Variants in ARSG observed in about 807,000 individuals in gnomAD.
The protein encoded by ARSG is arylsulfatase G.
In ARSG, 37 loss-of-function variants were observed where a neutral mutation model predicts 50.5. The observed-to-expected ratio is 0.73, with a 90% CI of 0.56 to 0.96. The LOEUF is 0.96. Among genes scored for constraint, ARSG ranks in the 50% least tolerant of loss-of-function variants. The pLI, the probability that ARSG is intolerant of heterozygous loss-of-function variation, is 0.00. For missense variants in ARSG, 629 were observed against 675.3 expected, an observed-to-expected ratio of 0.93 and a Z score of 0.76; for synonymous variants, 225 against 254.6, an observed-to-expected ratio of 0.88 and a Z score of 1.11.
chr17:68,415,044 CT>C (rs1416445739), intron 11 of ARSG, among the ~76,000 whole-genome samples: 12 of 152,032 alleles, frequency 7.9e-5, no homozygotes, highest in Admixed American at 7.9e-4. Context: ...CTGCTCTGAT[CT>C]TGGTTATTTC....
At chr17:68,320,785 C>T (rs771557435) in intron 2 of ARSG, among the ~76,000 whole-genome samples, 3 of 152,070 alleles carry the variant, frequency 2.0e-5, no homozygotes, top group Non-Finnish European at 4.4e-5. Flanking sequence ...GCGGGGGTCA[C>T]GTTGCAGTGA....
At chr17:68,316,813 C>G (rs2077086248) in intron 2 of ARSG, among the ~76,000 whole-genome samples, 1 of 152,112 alleles carries the variant, frequency 6.6e-6, no homozygotes, top group African/African-American at 2.4e-5. Context: ...CGTCACAATT[C>G]CCTCCTCTGG....
At chr17:68,395,297 C>T (rs898411225) in intron 10 of ARSG, 104 bp downstream of exon 10, 58 of 1,529,002 alleles carry the variant, frequency 3.8e-5, no homozygotes, top group Non-Finnish European at 4.9e-5. Flanking sequence ...TGGTCAAGAA[C>T]AGGCTGCAGG....
rs969569811 is a variant in ARSG, at chr17:68,329,428, C to T, written c.219-14176C>T. ...ACTGAGGCTGGCAGTGGAGGGCTGT[C>T]TCCACATTGTGCTGTAAGGGGACTG... is the stretch of plus-strand genomic sequence containing the variant. On this transcript the variant is annotated intron_variant, in intron 2 of 11. Coordinates refer to ENST00000621439, the MANE Select transcript of ARSG (RefSeq NM_001267727.2). Among the ~76,000 whole-genome samples, 3 of 152,304 alleles carry T rather than the reference C, an allele frequency of 2.0e-5. No homozygotes were observed. The South Asian group carries it at 6.2e-4, about 32-fold the overall frequency.
At chr17:68,295,622 C>T (rs1288132041) in intron 1 of ARSG, among the ~76,000 whole-genome samples, 4 of 150,544 alleles carry the variant, frequency 2.7e-5, no homozygotes, top group African/African-American at 7.4e-5. Flanking sequence ...GAAGACCAAA[C>T]GTTTGAGACC....
At chr17:68,433,230 C>T in the ARSG span, among the ~76,000 whole-genome samples, 6 of 152,240 alleles carry the variant, frequency 3.9e-5, no homozygotes, top group African/African-American at 1.4e-4. Flanking sequence ...TTCCCGGGAT[C>T]TCTGGGCTCC....
chr17:68,268,176 T>C (rs1173545289), intron 1 of ARSG: 3 of 152,400 alleles, frequency 2.0e-5, no homozygotes, highest in Admixed American at 6.5e-5. Context: ...ATTTAAAGGA[T>C]TGCAGAAAGG....
intron 4 of ARSG, among the ~76,000 whole-genome samples, chr17:68,350,786 AAAAAT>A (rs139213419): frequency 0.48 from 71,885 of 150,148 alleles, 17,457 homozygotes; most frequent in Admixed American, 0.56. Context: ...CTCCGTCTCA[AAAAAT>A]AAAATAAAAT....
At chr17:68,328,804 G>T (rs1219959211) in intron 2 of ARSG, among the ~76,000 whole-genome samples, 2 of 152,194 alleles carry the variant, frequency 1.3e-5, no homozygotes, top group Non-Finnish European at 2.9e-5. Flanking sequence ...ACCCAGCTGA[G>T]GAAGCCAGTG....
chr17:68,305,229 A>G (rs1303956733), intron 1 of ARSG, among the ~76,000 whole-genome samples: 1 of 152,154 alleles, frequency 6.6e-6, no homozygotes, highest in African/African-American at 2.4e-5. Context: ...TCCATTTGCA[A>G]CCTGCAGCTT....
At chr17:68,446,738 G>T in the ARSG span, among the ~76,000 whole-genome samples, 20 of 152,314 alleles carry the variant, frequency 1.3e-4, no homozygotes, top group Admixed American at 3.3e-4. Context: ...CCCTGGGATA[G>T]CGGGGCCTTG....
intron 1 of ARSG, chr17:68,272,901 A>C (rs2075386647): frequency 1.9e-6 from 2 of 1,066,914 alleles, no homozygotes; most frequent in Non-Finnish European, 2.7e-6. Context: ...TTCATTCTGG[A>C]CAAAGGTGAT....
chr17:68,435,819 CCT>C, the ARSG span: 1 of 969,640 alleles, frequency 1.0e-6, no homozygotes, highest in Admixed American at 2.0e-5. Flanking sequence ...TGTCCAGCTC[CCT>C]GTCTCTTCCT....
intron 11 of ARSG, among the ~76,000 whole-genome samples, chr17:68,410,913 A>C (rs1340709416): frequency 3.3e-5 from 5 of 152,042 alleles, no homozygotes; most frequent in Non-Finnish European, 5.9e-5. Flanking sequence ...ATTTGCATAG[A>C]GGTGTTTGTA....
At chr17:68,373,798 G>A (rs1363669759) in intron 8 of ARSG, among the ~76,000 whole-genome samples, 1 of 152,060 alleles carries the variant, frequency 6.6e-6, no homozygotes, top group Non-Finnish European at 1.5e-5. Flanking sequence ...ATTTAGTTGT[G>A]ATTTCTGGAG....
intron 2 of ARSG, among the ~76,000 whole-genome samples, chr17:68,310,211 C>T (rs897957089): frequency 3.3e-5 from 5 of 152,116 alleles, no homozygotes; most frequent in African/African-American, 7.2e-5. Context: ...CCGCCCGTCT[C>T]GGCCTCCCAA....
intron 11 of ARSG, among the ~76,000 whole-genome samples, chr17:68,417,920 C>T (rs922947607): frequency 9.2e-5 from 14 of 151,362 alleles, no homozygotes; most frequent in Admixed American, 2.6e-4. Flanking sequence ...TTAGTAGAGA[C>T]GGGGTTTTAC....
rs192790004 is a variant in ARSG, at chr17:68,408,201, G to A, written c.1303+6751G>A. Among the ~76,000 whole-genome samples, 132 of 151,668 alleles carry A rather than the reference G, an allele frequency of 8.7e-4. 1 individual carries two copies. Among genetic ancestry groups the A allele is most frequent in the Non-Finnish European group, 1.6e-3 (112 of 67,890 alleles). Reference sequence around the variant, plus strand: ...AGGTTAGTTACATATGTATACATGTGCCATGCTGGTGTGCTGCACCCATTA... The same window carrying A: ...AGGTTAGTTACATATGTATACATGTACCATGCTGGTGTGCTGCACCCATTA... On this transcript the variant is annotated intron_variant, in intron 11 of 11. Coordinates refer to ENST00000621439, the MANE Select transcript of ARSG (RefSeq NM_001267727.2).
At chr17:68,382,448 G>A (rs1208776729) in intron 8 of ARSG, among the ~76,000 whole-genome samples, 1 of 152,162 alleles carries the variant, frequency 6.6e-6, no homozygotes, top group East Asian at 1.9e-4. Flanking sequence ...AATACGAGAT[G>A]TTATTGTTGT....
Sources: allele counts gnomAD v4.1 joint callset (sites outside exome capture counted in the v4.1 genomes callset), GRCh38; gene constraint gnomAD v4.1.1; transcripts MANE v1.5; gene names NCBI Gene and HGNC (gene_info 2026-07-23, HGNC 2026-07-21).